The following STAG1 variants were observed in gnomAD, a reference collection of about 807,000 sequenced individuals.
STAG1 encodes the protein STAG1 cohesin complex component, also known as cohesin subunit SA-1.
In STAG1, 26 loss-of-function variants were observed where a neutral mutation model predicts 170.9. The ratio of observed to expected loss-of-function variants is 0.15; its 90% confidence interval spans 0.11 to 0.21. The LOEUF is 0.21. Among genes scored for constraint, STAG1 ranks in the 10% least tolerant of loss-of-function variants. The probability of loss-of-function intolerance (pLI) is 1.00; values close to 1 mark genes in which losing one functional copy is unlikely to be tolerated. For missense variants in STAG1, 964 were observed against 1,509.5 expected, an observed-to-expected ratio of 0.64 and a Z score of 5.99; for synonymous variants, 514 against 497.7, an observed-to-expected ratio of 1.03 and a Z score of -0.44.
At chr3:136,471,477 A>G (rs2089627099) in intron 12 of STAG1, among the ~76,000 whole-genome samples, 1 of 152,206 alleles carries the variant, frequency 6.6e-6, no homozygotes, top group South Asian at 2.1e-4. Context: ...TTTAGAACAT[A>G]TATTATAAAG....
intron 21 of STAG1, among the ~76,000 whole-genome samples, chr3:136,404,203 T>C (rs2087415930): frequency 6.6e-6 from 1 of 152,208 alleles, no homozygotes; most frequent in Non-Finnish European, 1.5e-5. Flanking sequence ...TTGAGTACCA[T>C]ACTCTTTCTG....
intron 3 of STAG1, among the ~76,000 whole-genome samples, chr3:136,621,341 T>A (rs779942454): frequency 1.8e-4 from 27 of 152,144 alleles, no homozygotes; most frequent in Non-Finnish European, 2.1e-4. Context: ...TAAGCAAACA[T>A]GTGGGCAATT....
intron 7 of STAG1, among the ~76,000 whole-genome samples, chr3:136,507,820 C>T (rs536386766): frequency 1.2e-4 from 18 of 151,860 alleles, no homozygotes; most frequent in African/African-American, 2.9e-4. Flanking sequence ...CAAGATAACT[C>T]GATATTTGCA....
chr3:136,402,808 C>CAG (rs113190820), intron 21 of STAG1, among the ~76,000 whole-genome samples: 178 of 151,818 alleles, frequency 1.2e-3, no homozygotes, highest in African/African-American at 2.5e-3. Context: ...GCGTGGGTGA[C>CAG]AGTGAGACTC....
intron 4 of STAG1, among the ~76,000 whole-genome samples, chr3:136,602,522 T>G (rs955318113): frequency 1.7e-4 from 26 of 152,118 alleles, no homozygotes; most frequent in African/African-American, 5.8e-4. Context: ...TCTTTAAAAT[T>G]AATGCTTCCG....
In STAG1 at chr3:136,376,005, T is replaced by TAAAATAAAATA. The variant is rs1553796051; in HGVS notation, c.2370+1654_2370+1655insTATTTTATTTT. ...ATAAATAAATAAATAAATAAATAAA[T>TAAAATAAAATA]AAATAATTAACAAAATAAAATAAAA... is the stretch of plus-strand genomic sequence containing the variant. On this transcript the variant is annotated intron_variant, in intron 23 of 33. Transcript: ENST00000383202. Among the ~76,000 whole-genome samples, 12 of 63,936 alleles carry TAAAATAAAATA rather than the reference T, an allele frequency of 1.9e-4. No homozygotes were observed. The South Asian group carries it at 2.7e-3, about 14-fold the overall frequency. 41.9% of individuals were successfully genotyped at this position (63,936 alleles called of 152,430 possible). A position where few individuals can be genotyped will look rare whatever the true frequency, so the allele number is the denominator to read the frequency against.
rs1215149321 is a variant in STAG1 at position 136,568,751 on chromosome 3, T to A, written c.394+14A>T. On this transcript the variant is annotated intron_variant, in intron 5 of 33. Coordinates refer to ENST00000383202, the MANE Select transcript of STAG1 (RefSeq NM_005862.3). ...ACAGGCTCAATGTACATCATTTATTTCAACATTCTGTACCTCGACATCCTG... is the reference window on the plus strand; with the variant it reads ...ACAGGCTCAATGTACATCATTTATTACAACATTCTGTACCTCGACATCCTG... 5 of 1,592,868 alleles carry A rather than the reference T, an allele frequency of 3.1e-6. No individual in the cohort carries two copies. The highest frequency in any genetic ancestry group is 4.3e-6 in the Non-Finnish European group (5 of 1,162,768).
intron 7 of STAG1, among the ~76,000 whole-genome samples, chr3:136,510,401 TGCCTCA>T (rs1933995872): frequency 6.6e-6 from 1 of 151,930 alleles, no homozygotes; most frequent in Non-Finnish European, 1.5e-5. Flanking sequence ...GTGATTCTCG[TGCCTCA>T]GCCTCCCTAG....
At chr3:136,496,399 G>C (rs890641708) in intron 9 of STAG1, among the ~76,000 whole-genome samples, 4 of 151,886 alleles carry the variant, frequency 2.6e-5, no homozygotes, top group African/African-American at 9.7e-5. Context: ...GTTTACTGTG[G>C]GTCTCATACA....
At chr3:136,576,695 A>C (rs1198035033) in intron 4 of STAG1, among the ~76,000 whole-genome samples, 1 of 152,164 alleles carries the variant, frequency 6.6e-6, no homozygotes, top group Non-Finnish European at 1.5e-5. Context: ...ATGAGTTTTA[A>C]ATCTGCCTAA....
chr3:136,625,196 C>T (rs1940041525), intron 2 of STAG1, among the ~76,000 whole-genome samples: 1 of 152,148 alleles, frequency 6.6e-6, no homozygotes, highest in African/African-American at 2.4e-5. Context: ...AATGGTAAGT[C>T]CAACTCACAA....
At chr3:136,605,415 T>C (rs1444929675) in intron 3 of STAG1, among the ~76,000 whole-genome samples, 1 of 152,250 alleles carries the variant, frequency 6.6e-6, no homozygotes. Flanking sequence ...CATACATTCA[T>C]TCATTCACAT....
intron 5 of STAG1, among the ~76,000 whole-genome samples, chr3:136,564,747 A>G (rs1020254693): frequency 1.3e-5 from 2 of 152,098 alleles, no homozygotes; most frequent in African/African-American, 4.8e-5. Context: ...CAAAGAATTC[A>G]AAGAAAAAAC....
chr3:136,687,752 T>TC (rs1027205904), intron 1 of STAG1, among the ~76,000 whole-genome samples: 8 of 151,866 alleles, frequency 5.3e-5, no homozygotes, highest in Admixed American at 2.6e-4. Flanking sequence ...TTTTTTTTTT[T>TC]TTGAGGCAGA....
At chr3:136,626,256 T>C (rs1940087456) in intron 2 of STAG1, among the ~76,000 whole-genome samples, 1 of 151,830 alleles carries the variant, frequency 6.6e-6, no homozygotes, top group Non-Finnish European at 1.5e-5. Context: ...TGAAACCCCT[T>C]CTCTACTAAA....
rs1943417482 is a variant in STAG1 at position 136,712,709 on chromosome 3, GC to G, written c.-84+39485del. Among the ~76,000 whole-genome samples the G allele has an allele frequency of 2.0e-5, 3 of 152,170 alleles. No homozygotes were observed. In the South Asian group the frequency reaches 6.2e-4, roughly 32 times the overall value. ...TAAAACCACTCTGGAAAACAATTTGGCCTTTTCTACTAACAACATACCTTAT... is the reference window on the plus strand; with the variant it reads ...TAAAACCACTCTGGAAAACAATTTGGCTTTTCTACTAACAACATACCTTAT... On this transcript the variant is annotated intron_variant, in intron 1 of 33. Transcript: ENST00000383202.
intron 1 of STAG1, among the ~76,000 whole-genome samples, chr3:136,742,846 T>C (rs1297143639): frequency 4.6e-5 from 7 of 152,158 alleles, no homozygotes; most frequent in Non-Finnish European, 8.8e-5. Context: ...CTGAGTAATG[T>C]AGCAGTGCTT....
At chr3:136,403,440 T>C (rs1576431928) in intron 21 of STAG1, among the ~76,000 whole-genome samples, 1 of 151,858 alleles carries the variant, frequency 6.6e-6, no homozygotes, top group Non-Finnish European at 1.5e-5. Flanking sequence ...GTTATAAACA[T>C]TAGTGCTAAA....
chr3:136,657,189 CTTTTTTTTTTTTT>C (rs67826395), intron 1 of STAG1, among the ~76,000 whole-genome samples: 4 of 92,260 alleles, frequency 4.3e-5, no homozygotes, highest in East Asian at 3.8e-4. Context: ...TTCTTTCTTT[CTTTTTTTTTTTTT>C]TTTTTTTTTT....
Sources: allele counts gnomAD v4.1 joint callset (sites outside exome capture counted in the v4.1 genomes callset), GRCh38; gene constraint gnomAD v4.1.1; transcripts MANE v1.5; gene names NCBI Gene and HGNC (gene_info 2026-07-23, HGNC 2026-07-21).